Variants in CNTN4 observed in about 807,000 individuals in gnomAD.
CNTN4 encodes the protein contactin 4.
A neutral mutation model predicts 122.5 loss-of-function variants in CNTN4; 77 were observed. The ratio of observed to expected loss-of-function variants is 0.63; its 90% CI spans 0.52 to 0.76. The LOEUF is 0.76. Among genes scored for constraint, CNTN4 ranks in the 30% least tolerant of loss-of-function variants. CNTN4 has a pLI of 0.00. For missense variants in CNTN4, 1,256 were observed against 1,259.1 expected (o/e 1.00, Z 0.04); for synonymous variants, 512 against 447.0 (o/e 1.15, Z -1.83).
At position 2,505,944 on chromosome 3, in the gene CNTN4, C is replaced by T. The variant is rs931053631; in HGVS notation, c.-88-65472C>T. ...GAAAGCATGGAGGAAGAAAAGCAGGCATCTTATTCCTCTTTTCACTCCATA... is the reference window on the plus strand; with the variant it reads ...GAAAGCATGGAGGAAGAAAAGCAGGTATCTTATTCCTCTTTTCACTCCATA... On this transcript the variant is annotated intron_variant, in intron 3 of 24. Coordinates refer to ENST00000418658, the MANE Select transcript of CNTN4 (RefSeq NM_175607.3). Among the ~76,000 whole-genome samples, 13 of 152,196 alleles carry T rather than the reference C, an allele frequency of 8.5e-5. 1 individual carries two copies. The highest frequency in any genetic ancestry group is 7.2e-4 in the Admixed American group (11 of 15,274).
intron 4 of CNTN4, among the ~76,000 whole-genome samples, chr3:2,735,720 A>C (rs1023392211): frequency 1.3e-5 from 2 of 152,158 alleles, no homozygotes; most frequent in African/African-American, 4.8e-5. Flanking sequence ...CATTTTGAGG[A>C]AGTGTTGTGT....
chr3:2,794,570 C>G (rs2092111450), intron 6 of CNTN4, among the ~76,000 whole-genome samples: 1 of 152,078 alleles, frequency 6.6e-6, no homozygotes, highest in Non-Finnish European at 1.5e-5. Flanking sequence ...GGGTTCTAAC[C>G]CTGGCTGTAC....
intron 2 of CNTN4, among the ~76,000 whole-genome samples, chr3:2,232,500 T>G (rs1243333944): frequency 6.6e-6 from 1 of 152,160 alleles, no homozygotes; most frequent in African/African-American, 2.4e-5. Context: ...TTATCTCATT[T>G]TATCTTTACA....
intron 3 of CNTN4, among the ~76,000 whole-genome samples, chr3:2,516,350 G>C (rs1229459499): frequency 6.6e-6 from 1 of 151,792 alleles, no homozygotes; most frequent in African/African-American, 2.4e-5. Context: ...TTTGTACTTA[G>C]GAACTATTTC....
chr3:2,394,784 G>GTTTTTTTTTTTTT (rs56027529), intron 3 of CNTN4, among the ~76,000 whole-genome samples: 1 of 108,488 alleles, frequency 9.2e-6, no homozygotes, highest in South Asian at 3.3e-4. Flanking sequence ...CCTTATATTA[G>GTTTTTTTTTTTTT]TTTTTTTTTT....
chr3:2,855,779 A>G (rs1462398961), intron 7 of CNTN4, among the ~76,000 whole-genome samples: 2 of 152,170 alleles, frequency 1.3e-5, no homozygotes, highest in Non-Finnish European at 2.9e-5. Flanking sequence ...GCCTTTACTG[A>G]GTCCTTCTCA....
intron 3 of CNTN4, among the ~76,000 whole-genome samples, chr3:2,497,516 A>G (rs2076484300): frequency 6.6e-6 from 1 of 152,132 alleles, no homozygotes; most frequent in African/African-American, 2.4e-5. Flanking sequence ...GTGGCAACCT[A>G]GGGAGACCTA....
chr3:2,814,264 G>C (rs1456867799), intron 6 of CNTN4, among the ~76,000 whole-genome samples: 1 of 152,102 alleles, frequency 6.6e-6, no homozygotes, highest in Non-Finnish European at 1.5e-5. Flanking sequence ...TGAAAGACAG[G>C]CTATTTTGAG....
chr3:3,045,125 A>AAC (rs1341720451), intron 23 of CNTN4, among the ~76,000 whole-genome samples: 1 of 152,144 alleles, frequency 6.6e-6, no homozygotes, highest in Non-Finnish European at 1.5e-5. Flanking sequence ...TGAGTAGGTA[A>AAC]ATAGCGGCCT....
chr3:2,416,792 T>C (rs971091354), intron 3 of CNTN4, among the ~76,000 whole-genome samples: 4 of 152,158 alleles, frequency 2.6e-5, no homozygotes, highest in African/African-American at 9.7e-5. Flanking sequence ...TAGCTGGGAC[T>C]ACAGGCGCCT....
rs567716300 is a variant in CNTN4 at position 2,297,549 on chromosome 3, C to G, written c.-144-41629C>G. Among the ~76,000 whole-genome samples, 13 of 152,238 alleles carry G rather than the reference C, an allele frequency of 8.5e-5. No individual in the cohort carries two copies. In the South Asian group the frequency reaches 2.7e-3, roughly 32 times the overall value. ...CCCATACATCGTCTGTCTGATTTCACCCTGCCCATTTAATCCCCACGCATT... is the reference window on the plus strand; with the variant it reads ...CCCATACATCGTCTGTCTGATTTCAGCCTGCCCATTTAATCCCCACGCATT... On this transcript the variant is annotated intron_variant, in intron 2 of 24. Transcript: ENST00000418658.
intron 13 of CNTN4, among the ~76,000 whole-genome samples, chr3:2,957,058 T>G (rs1342974706): frequency 6.6e-6 from 1 of 152,220 alleles, no homozygotes; most frequent in Non-Finnish European, 1.5e-5. Flanking sequence ...TTGGGTTGTT[T>G]CTATATCTTG....
rs149078251 is a variant in CNTN4 at position 2,539,102 on chromosome 3, G to A, written c.-88-32314G>A. On this transcript the variant is annotated intron_variant, in intron 3 of 24. Transcript: ENST00000418658. The stretch of plus-strand genomic sequence containing the variant: ...TAACCATAAGAAGGATAGGTCAAAG[G>A]TTATGAAACTTTGTTGATCTTCTGT... Among the ~76,000 whole-genome samples the A allele has an allele frequency of 3.5e-3, 532 of 152,070 alleles. 6 individuals carry two copies. Among genetic ancestry groups the A allele is most frequent in the African/African-American group, 0.012 (496 of 41,510 alleles).
At chr3:2,355,887 T>C (rs1414378149) in intron 3 of CNTN4, among the ~76,000 whole-genome samples, 1 of 152,204 alleles carries the variant, frequency 6.6e-6, no homozygotes. Context: ...CAATGCTCAA[T>C]TGTAATCTAA....
At chr3:2,755,257 A>G (rs2090281089) in intron 6 of CNTN4, among the ~76,000 whole-genome samples, 1 of 152,194 alleles carries the variant, frequency 6.6e-6, no homozygotes, top group African/African-American at 2.4e-5. Context: ...ACTACTTTTT[A>G]ATTTGGAAAG....
chr3:2,465,258 GACTA>G (rs1300811860), intron 3 of CNTN4, among the ~76,000 whole-genome samples: 4 of 152,138 alleles, frequency 2.6e-5, no homozygotes, highest in Non-Finnish European at 4.4e-5. Flanking sequence ...CAACCATGAA[GACTA>G]ACTAACTGTT....
At chr3:2,226,133 C>CT (rs894638146) in intron 2 of CNTN4, among the ~76,000 whole-genome samples, 15 of 151,264 alleles carry the variant, frequency 9.9e-5, no homozygotes, top group East Asian at 7.7e-4. Flanking sequence ...CCACGTTTTG[C>CT]TTTTTTTTTA....
chr3:2,128,116 T>C (rs920403943), intron 2 of CNTN4, among the ~76,000 whole-genome samples: 5 of 152,182 alleles, frequency 3.3e-5, no homozygotes, highest in African/African-American at 9.7e-5. Context: ...GCCTGGTTGG[T>C]AATGATTATA....
chr3:2,583,759 A>G (rs2080052846), intron 4 of CNTN4, among the ~76,000 whole-genome samples: 1 of 152,168 alleles, frequency 6.6e-6, no homozygotes, highest in African/African-American at 2.4e-5. Context: ...TTAAACACCT[A>G]TATTATTGGG....
Sources: allele counts gnomAD v4.1 joint callset (sites outside exome capture counted in the v4.1 genomes callset), GRCh38; gene constraint gnomAD v4.1.1; transcripts MANE v1.5; gene names NCBI Gene and HGNC (gene_info 2026-07-23, HGNC 2026-07-21).